Variants in CKAP5 observed in about 807,000 individuals in gnomAD.
The protein encoded by CKAP5 is cytoskeleton-associated protein 5.
A neutral mutation model predicts 232.8 loss-of-function variants in CKAP5; 27 were observed. That is an observed-to-expected ratio of 0.12 (90% confidence interval 0.09 to 0.16). The LOEUF (loss-of-function observed/expected upper bound fraction) is 0.16, where lower values mean the gene tolerates loss of function less well. CKAP5 is among the 10% of genes least tolerant of loss of function. CKAP5 has a pLI of 1.00. For missense variants in CKAP5, 1,838 were observed against 2,424.7 expected (o/e 0.76, Z 5.08); for synonymous variants, 785 against 841.1 (o/e 0.93, Z 1.16).
At chr11:46,747,403 A>G (rs1053281286) in intron 42 of CKAP5, among the ~76,000 whole-genome samples, 1 of 151,816 alleles carries the variant, frequency 6.6e-6, no homozygotes, top group Non-Finnish European at 1.5e-5. Flanking sequence ...GGAGTTGGAG[A>G]CCAGCCTGGC....
intron 38 of CKAP5, among the ~76,000 whole-genome samples, chr11:46,752,193 T>TATATATACACACACACAC (rs1408030107): frequency 3.0e-5 from 2 of 66,554 alleles, no homozygotes; most frequent in Non-Finnish European, 2.9e-5. Context: ...TATATATATA[T>TATATATACACACACACAC]ACACACACAC....
Position 46,744,189 on chromosome 11 carries a change from A to G in CKAP5, c.5933T>C (p.Leu1978Pro), listed in dbSNP as rs1394249480. ...VPTVASSTDM[L>P]HSKLSQLRES... is the part of the protein sequence containing the mutation. ...CCGGAGCTGAGAGAGTTTGCTGTGG[A>G]GCATGTCTGTGGAAGAGGCGACAGT... Residue 1978 changes from leucine to proline, a missense_variant, in exon 44 of 44, where the codon CTC becomes CCC. By Grantham distance (98) the Leu-to-Pro change is moderately conservative. Transcript: ENST00000529230. 2 of 1,613,926 alleles carry G rather than the reference A, an allele frequency of 1.2e-6. No homozygotes were observed. Among genetic ancestry groups the G allele is most frequent in the Non-Finnish European group, 1.7e-6 (2 of 1,180,038 alleles).
chr11:46,746,280 AC>A (rs1204166653), intron 42 of CKAP5, among the ~76,000 whole-genome samples: 1 of 151,742 alleles, frequency 6.6e-6, no homozygotes, highest in Non-Finnish European at 1.5e-5. Context: ...TATAACTGAA[AC>A]CTCCTAAGTC....
In CKAP5 at chr11:46,803,197, G is replaced by C. The variant is rs576015981; in HGVS notation, c.979-1893C>G. 8.9e-4 allele frequency among the ~76,000 whole-genome samples: 135 copies of C among 152,118 alleles called. 1 individual carries two copies. In the South Asian group the frequency reaches 0.017, roughly 19 times the overall value. ...GAGAATCTCTTGAACCTGGGAGGCG[G>C]AGGTTGCAGTGAGCCAAGATCATAC... is the stretch of plus-strand genomic sequence containing the variant. On this transcript the variant is annotated intron_variant, in intron 8 of 43. Transcript: ENST00000529230.
At chr11:46,785,339 T>C (rs1290406953) in intron 16 of CKAP5, among the ~76,000 whole-genome samples, 1 of 152,200 alleles carries the variant, frequency 6.6e-6, no homozygotes, top group Non-Finnish European at 1.5e-5. Flanking sequence ...TATTTATGTA[T>C]TTATTTGACA....
At chr11:46,840,431 C>A (rs1269910111) in intron 1 of CKAP5, among the ~76,000 whole-genome samples, 1 of 152,074 alleles carries the variant, frequency 6.6e-6, no homozygotes, top group East Asian at 1.9e-4. Flanking sequence ...AATAAGACCC[C>A]ATTAAAGGAG....
chr11:46,787,040 CCCG>C (rs2065400510), intron 16 of CKAP5, among the ~76,000 whole-genome samples: 1 of 152,066 alleles, frequency 6.6e-6, no homozygotes, highest in Non-Finnish European at 1.5e-5. Flanking sequence ...CGCCTGTGGT[CCCG>C]ACTACTTGGG....
intron 38 of CKAP5, among the ~76,000 whole-genome samples, chr11:46,751,760 ACTC>A (rs1314577277): frequency 6.6e-6 from 1 of 151,458 alleles, no homozygotes; most frequent in Non-Finnish European, 1.5e-5. Flanking sequence ...ATCCATCTCT[ACTC>A]CTTCCCACTC....
chr11:46,805,306 G>A (rs1939128705), intron 8 of CKAP5, among the ~76,000 whole-genome samples: 2 of 152,072 alleles, frequency 1.3e-5, no homozygotes, highest in South Asian at 4.1e-4. Flanking sequence ...AAAGCCCACA[G>A]AATATGCTAA....
intron 25 of CKAP5, chr11:46,770,371 C>T (rs545017793): frequency 1.5e-5 from 6 of 394,600 alleles, no homozygotes; most frequent in East Asian, 8.8e-5. Flanking sequence ...TTGCTTGTTA[C>T]GATTTCAAAT....
intron 9 of CKAP5, among the ~76,000 whole-genome samples, chr11:46,798,471 T>C (rs1292532687): frequency 1.3e-5 from 2 of 151,600 alleles, no homozygotes; most frequent in East Asian, 1.9e-4. Context: ...TCCCAGCTAC[T>C]TGGGAGGCTG....
chr11:46,839,266 T>C (rs566255155), intron 1 of CKAP5, among the ~76,000 whole-genome samples: 17 of 151,952 alleles, frequency 1.1e-4, no homozygotes, highest in African/African-American at 4.1e-4. Flanking sequence ...GGGGTAGGGG[T>C]AGAGTGAAGT....
Position 46,759,453 on chromosome 11 carries a change from CAAAAGGAGGCTCCTGAACT to C in CKAP5, c.4395-30_4395-12del. The C allele has an allele frequency of 6.2e-7, 1 of 1,607,502 alleles. No individual in the cohort carries two copies. Among genetic ancestry groups the C allele is most frequent in the Non-Finnish European group, 8.5e-7 (1 of 1,177,760 alleles). ...ATGCTTCGGGCTTGGCTAAGGGAAGCAAAAGGAGGCTCCTGAACTAAAAGAGACTTCTTAACCAAAGGGC... is the reference window on the plus strand; with the variant it reads ...ATGCTTCGGGCTTGGCTAAGGGAAGCAAAAGAGACTTCTTAACCAAAGGGC... On this transcript the variant is annotated splice_polypyrimidine_tract_variant and intron_variant, in intron 33 of 43. Coordinates refer to ENST00000529230, the MANE Select transcript of CKAP5 (RefSeq NM_001008938.4).
At chr11:46,759,847 C>T (rs1341909241) in intron 33 of CKAP5, among the ~76,000 whole-genome samples, 2 of 152,152 alleles carry the variant, frequency 1.3e-5, no homozygotes. Flanking sequence ...TTAACCAGTG[C>T]TTTAATTTTG....
chr11:46,823,451 CT>C (rs746113482), intron 1 of CKAP5, among the ~76,000 whole-genome samples: 8 of 152,086 alleles, frequency 5.3e-5, no homozygotes, highest in Non-Finnish European at 1.0e-4. Context: ...GCATAATCCC[CT>C]TACAACATTT....
Position 46,751,360 on chromosome 11 carries a change from A to C in CKAP5, c.5308T>G (p.Leu1770Val), listed in dbSNP as rs1176039115. The C allele has an allele frequency of 1.9e-6, 3 of 1,613,428 alleles. No homozygotes were observed. The highest frequency in any genetic ancestry group is 2.5e-6 in the Non-Finnish European group (3 of 1,179,782). The change falls in exon 39 of 44, where the codon TTA becomes GTA. Residue 1770 changes from leucine (L) to valine (V), a missense_variant. This residue lies in a region of CKAP5 where 579 missense variants were observed against 843.2 expected (regional missense o/e 0.69). Coordinates refer to ENST00000529230, the MANE Select transcript of CKAP5 (RefSeq NM_001008938.4). Reference protein sequence around the residue: ...LKTLLHTLCKLKGPKILDHLT... With the variant: ...LKTLLHTLCKVKGPKILDHLT... ...TTCTTACTCACCTTGGGCCCTTTTA[A>C]TTTGCATAAGGTGTGTAGCAGGGTC...
At chr11:46,755,981 G>T (rs769641871) in intron 35 of CKAP5, among the ~76,000 whole-genome samples, 15 of 152,258 alleles carry the variant, frequency 9.9e-5, no homozygotes, top group Non-Finnish European at 2.2e-4. Flanking sequence ...TAAAAAGAGT[G>T]CTTTTTAGAC....
intron 1 of CKAP5, among the ~76,000 whole-genome samples, 153 bp from the exon 2 acceptor site, chr11:46,821,421 CTTTTTTTT>C (rs369366613): frequency 9.5e-6 from 1 of 105,200 alleles, no homozygotes; most frequent in Admixed American, 1.3e-4. Context: ...ATTAACAGGA[CTTTTTTTT>C]TTTTTTTTTT....
At chr11:46,829,834 TTGTATGTGTGTGTGTGTG>T (rs1939737055) in intron 1 of CKAP5, among the ~76,000 whole-genome samples, 1 of 110,628 alleles carries the variant, frequency 9.0e-6, no homozygotes, top group African/African-American at 3.2e-5. Context: ...AATTCCTTTT[TTGTATGTGTGTGTGTGTG>T]TGTGTGTGTG....
Sources: gnomAD v4.1 joint callset for allele counts (sites outside exome capture counted in the v4.1 genomes callset) on GRCh38, gnomAD v4.1.1 for gene constraint, gnomAD v4.1.1 regional missense constraint, MANE v1.5 for transcripts, NCBI Gene and HGNC (gene_info 2026-07-23, HGNC 2026-07-21) for gene names.